PRKCH: variants seen among roughly 807,000 people sequenced by gnomAD.
The protein encoded by PRKCH is protein kinase C eta, also known as protein kinase C eta type.
A neutral mutation model predicts 82.5 loss-of-function variants in PRKCH; 28 were observed. The ratio of observed to expected loss-of-function variants is 0.34; its 90% CI spans 0.25 to 0.47. The LOEUF is 0.47. Ranked by LOEUF, PRKCH falls within the 20% of genes least tolerant of loss-of-function variation. The pLI, the probability that PRKCH is intolerant of heterozygous loss-of-function variation, is 1.00. For missense variants in PRKCH, 705 were observed against 881.8 expected (o/e 0.80, Z 2.54); for synonymous variants, 322 against 327.4 (o/e 0.98, Z 0.18).
At chr14:61,254,595 A>T (rs1375910060) in intron 1 of PRKCH, among the ~76,000 whole-genome samples, 1 of 152,220 alleles carries the variant, frequency 6.6e-6, no homozygotes, top group Non-Finnish European at 1.5e-5. Flanking sequence ...CATCCCGGTG[A>T]CAGACCCTGT....
chr14:61,358,286 A>G (rs895406042), intron 1 of PRKCH, among the ~76,000 whole-genome samples: 25 of 152,232 alleles, frequency 1.6e-4, no homozygotes, highest in African/African-American at 6.0e-4. Context: ...ACTGGAATAA[A>G]TGTTAGCTGC....
chr14:61,465,407 G>A (rs538645037), intron 9 of PRKCH, among the ~76,000 whole-genome samples: 7 of 152,210 alleles, frequency 4.6e-5, no homozygotes, highest in Admixed American at 1.3e-4. Flanking sequence ...TTTATGTGAC[G>A]TGAGATGAGG....
At chr14:61,433,409 AG>A (rs1883515672) in intron 2 of PRKCH, among the ~76,000 whole-genome samples, 1 of 152,230 alleles carries the variant, frequency 6.6e-6, no homozygotes, top group Admixed American at 6.5e-5. Flanking sequence ...GCCAAACTAA[AG>A]GGCAGGATTC....
intron 1 of PRKCH, among the ~76,000 whole-genome samples, chr14:61,376,190 G>A (rs1479861886): frequency 6.6e-6 from 1 of 152,112 alleles, no homozygotes; most frequent in African/African-American, 2.4e-5. Context: ...TCAGAAGGTG[G>A]TTGTGAAGGT....
intron 1 of PRKCH, among the ~76,000 whole-genome samples, chr14:61,265,202 C>T (rs188980974): frequency 5.3e-5 from 8 of 152,238 alleles, no homozygotes; most frequent in East Asian, 1.9e-4. Flanking sequence ...CCATCCCAGG[C>T]GGGTGCGGTG....
chr14:61,225,502 G>T (rs2044689990), intron 1 of PRKCH, among the ~76,000 whole-genome samples: 1 of 152,170 alleles, frequency 6.6e-6, no homozygotes, highest in Non-Finnish European at 1.5e-5. Context: ...ACTGAGCGCA[G>T]AACACCCACT....
chr14:61,480,557 T>C (rs1280943548), intron 9 of PRKCH, among the ~76,000 whole-genome samples: 2 of 152,246 alleles, frequency 1.3e-5, no homozygotes, highest in Non-Finnish European at 2.9e-5. Context: ...CTTTTGTAGC[T>C]GATGTTGTTT....
intron 2 of PRKCH, among the ~76,000 whole-genome samples, chr14:61,440,638 G>A (rs1479856189): frequency 3.9e-5 from 6 of 152,232 alleles, no homozygotes; most frequent in African/African-American, 1.4e-4. Flanking sequence ...CACTTTGGGA[G>A]GCTGAGGCGG....
At chr14:61,502,624 C>T (rs1164908104) in intron 10 of PRKCH, among the ~76,000 whole-genome samples, 1 of 152,100 alleles carries the variant, frequency 6.6e-6, no homozygotes, top group East Asian at 1.9e-4. Flanking sequence ...TTCTGTTGTA[C>T]AGAGTGGACT....
At chr14:61,238,636 C>A (rs1594868029) in intron 1 of PRKCH, among the ~76,000 whole-genome samples, 1 of 152,276 alleles carries the variant, frequency 6.6e-6, no homozygotes, top group Admixed American at 6.5e-5. Flanking sequence ...CCCTGACTCT[C>A]CTCTTTTTCC....
intron 10 of PRKCH, among the ~76,000 whole-genome samples, chr14:61,526,081 G>A (rs537492282): frequency 6.6e-6 from 1 of 152,304 alleles, no homozygotes; most frequent in African/African-American, 2.4e-5. Flanking sequence ...GCAGGACCAC[G>A]ATCATCCTCA....
intron 10 of PRKCH, among the ~76,000 whole-genome samples, chr14:61,485,997 G>T (rs901014855): frequency 1.4e-4 from 21 of 152,054 alleles, no homozygotes; most frequent in African/African-American, 4.8e-4. Flanking sequence ...AAGGTTCCAA[G>T]GATCCATTAG....
chr14:61,388,465 T>C (rs1468226827), intron 1 of PRKCH, among the ~76,000 whole-genome samples: 3 of 152,174 alleles, frequency 2.0e-5, no homozygotes, highest in African/African-American at 4.8e-5. Context: ...AAGGCCTTTG[T>C]GGGCCCTCAG....
intron 10 of PRKCH, among the ~76,000 whole-genome samples, chr14:61,488,939 T>C (rs1339969573): frequency 1.3e-5 from 2 of 152,358 alleles, no homozygotes; most frequent in East Asian, 1.9e-4. Flanking sequence ...CTAACTGATA[T>C]GGTTGACTTT....
At chr14:61,233,081 A>G (rs2044757670) in intron 1 of PRKCH, among the ~76,000 whole-genome samples, 1 of 152,234 alleles carries the variant, frequency 6.6e-6, no homozygotes, top group African/African-American at 2.4e-5. Context: ...AACCAATTCA[A>G]TTATTAACAG....
chr14:61,330,312 A>C (rs895740847), intron 1 of PRKCH, among the ~76,000 whole-genome samples: 4 of 152,184 alleles, frequency 2.6e-5, no homozygotes, highest in African/African-American at 9.7e-5. Flanking sequence ...GAAGAAAAGG[A>C]ACTTCTGACC....
At position 61,253,150 on chromosome 14, in the gene PRKCH, C is replaced by T. The variant is rs560359857; in HGVS notation, c.-19+65482C>T. ...TGTTTTTTTAGGTTTCTAGAAACAC[C>T]GTTTGTGGACTGTGCCATTTCTACA... On this transcript the variant is annotated intron_variant, in intron 1 of 3. Transcript: ENST00000555185. 1.0e-3 allele frequency among the ~76,000 whole-genome samples: 154 copies of T among 152,208 alleles called. 1 individual carries two copies. Among genetic ancestry groups the T allele is most frequent in the African/African-American group, 3.6e-3 (150 of 41,538 alleles).
At chr14:61,377,780 T>C (rs1255866699) in intron 1 of PRKCH, among the ~76,000 whole-genome samples, 1 of 152,232 alleles carries the variant, frequency 6.6e-6, no homozygotes, top group African/African-American at 2.4e-5. Context: ...TCTCTTCACA[T>C]GATTATTAAT....
At chr14:61,541,207 G>A (rs1239156212) in intron 12 of PRKCH, among the ~76,000 whole-genome samples, 2 of 152,262 alleles carry the variant, frequency 1.3e-5, no homozygotes, top group Admixed American at 6.5e-5. Context: ...AAAGGAGAAG[G>A]TTGGTCTTCA....
Sources: gnomAD v4.1 joint callset for allele counts (sites outside exome capture counted in the v4.1 genomes callset) on GRCh38, gnomAD v4.1.1 for gene constraint, MANE v1.5 for transcripts, NCBI Gene and HGNC (gene_info 2026-07-23, HGNC 2026-07-21) for gene names.